Variants in PPIG observed in about 807,000 individuals in gnomAD.
The protein encoded by PPIG is peptidyl-prolyl cis-trans isomerase G.
In PPIG, 26 loss-of-function variants were observed where a neutral mutation model predicts 87.9. The ratio of observed to expected loss-of-function variants is 0.30; its 90% CI spans 0.22 to 0.41. The LOEUF (loss-of-function observed/expected upper bound fraction) is 0.41, where lower values mean the gene tolerates loss of function less well. Among genes scored for constraint, PPIG ranks in the 10% least tolerant of loss-of-function variants. The pLI, the probability that PPIG is intolerant of heterozygous loss-of-function variation, is 1.00. For missense variants in PPIG, 722 were observed against 879.4 expected (o/e 0.82, Z 2.26); for synonymous variants, 308 against 276.5 (o/e 1.11, Z -1.13).
intron 7 of PPIG, among the ~76,000 whole-genome samples, chr2:169,609,014 G>T (rs1481095647): frequency 3.3e-5 from 5 of 151,500 alleles, no homozygotes; most frequent in Non-Finnish European, 5.9e-5. Context: ...AACCCGGGAG[G>T]GGGAGCTTAC....
chr2:169,606,233 ATT>A, intron 5 of PPIG, 87 bp downstream of exon 5: 1 of 936,400 alleles, frequency 1.1e-6, no homozygotes, highest in South Asian at 1.4e-5. Context: ...TTAGTCCAAT[ATT>A]CTTGTCACTC....
At chr2:169,613,635 A>C (rs1018655558) in intron 7 of PPIG, among the ~76,000 whole-genome samples, 1 of 152,164 alleles carries the variant, frequency 6.6e-6, no homozygotes. Flanking sequence ...TAATTAAAAA[A>C]CTTGTAAACT....
intron 1 of PPIG, among the ~76,000 whole-genome samples, chr2:169,588,545 C>T (rs941464137): frequency 1.1e-4 from 17 of 152,184 alleles, no homozygotes; most frequent in African/African-American, 3.9e-4. Context: ...TATTTTTTTA[C>T]GTAGGAATTA....
At chr2:169,614,796 C>T (rs1339578964) in intron 9 of PPIG, 72 bp downstream of exon 9, 3 of 1,406,398 alleles carry the variant, frequency 2.1e-6, no homozygotes. Context: ...AAATAGTTGA[C>T]ATGAAATTCA....
intron 9 of PPIG, among the ~76,000 whole-genome samples, chr2:169,616,619 A>G (rs1685615876): frequency 6.6e-6 from 1 of 151,592 alleles, no homozygotes; most frequent in South Asian, 2.1e-4. Context: ...TTTTCTTTTC[A>G]TGTTTGTTGG....
Position 169,633,167 on chromosome 2 carries a change from C to T in PPIG, c.937C>T (p.Pro313Ser). ...ERERERECNP[P>S]NSQPASYQRR... The stretch of plus-strand genomic sequence containing the variant: ...CTGTTTGCTTCCTTCTAGTAATCCA[C>T]CTAACTCCCAGCCTGCTTCATACCA... The change falls in exon 12 of 14, where the codon CCT becomes TCT. Residue 313 changes from proline (P) to serine (S), a missense_variant. Coordinates refer to ENST00000260970, the MANE Select transcript of PPIG (RefSeq NM_004792.3). 1 of 1,606,330 alleles carries T rather than the reference C, an allele frequency of 6.2e-7. No homozygotes were observed. The highest frequency in any genetic ancestry group is 8.5e-7 in the Non-Finnish European group (1 of 1,174,246).
At chr2:169,628,731 G>C (rs142351336) in intron 9 of PPIG, among the ~76,000 whole-genome samples, 3 of 152,008 alleles carry the variant, frequency 2.0e-5, no homozygotes, top group Admixed American at 2.0e-4. Flanking sequence ...CTTGAGCCCA[G>C]GAGTTCGAGA....
At chr2:169,623,802 T>C (rs1685813895) in intron 9 of PPIG, among the ~76,000 whole-genome samples, 1 of 152,220 alleles carries the variant, frequency 6.6e-6, no homozygotes, top group African/African-American at 2.4e-5. Flanking sequence ...AGGAATACTT[T>C]TGTTCTTTAT....
chr2:169,602,702 A>G (rs1164588412), intron 1 of PPIG, among the ~76,000 whole-genome samples: 1 of 152,206 alleles, frequency 6.6e-6, no homozygotes, highest in African/African-American at 2.4e-5. Context: ...GTGCTGGTCT[A>G]GAGCCTTAAA....
At chr2:169,585,691 T>G (rs1451793235) in intron 1 of PPIG, among the ~76,000 whole-genome samples, 1 of 152,230 alleles carries the variant, frequency 6.6e-6, no homozygotes. Flanking sequence ...CCTTTCTGTG[T>G]GTAACCAACA....
rs142071492 is a variant in PPIG, at chr2:169,587,177, T to C, written c.-70+2687T>C. ...CAAATTCCTGACCTCAAGTAATCCA[T>C]CCGCCTCCGCCTCCCAAAGTGCTGG... On this transcript the variant is annotated intron_variant, in intron 1 of 13. Transcript: ENST00000260970. Among the ~76,000 whole-genome samples, 805 of 152,020 alleles carry C rather than the reference T, an allele frequency of 5.3e-3. 8 individuals are homozygous for C. Among genetic ancestry groups the C allele is most frequent in the African/African-American group, 0.018 (751 of 41,478 alleles).
rs1190630404 is a variant in PPIG at position 169,604,197 on chromosome 2, T to G, written c.72T>G (p.Val24=). Residue 24 remains valine, a synonymous_variant, in exon 4 of 14, where the codon GTT becomes GTG. Coordinates refer to ENST00000260970, the MANE Select transcript of PPIG (RefSeq NM_004792.3). The part of the protein sequence containing the change: ...IAINNQPAGR[V]VFELFSDVCP... ...TACCTTCTTTTTCAGCTGGAAGAGT[T>G]GTCTTTGAATTATTTTCTGATGTGT... 6.2e-7 allele frequency: 1 copy of G among 1,613,290 alleles called. No individual in the cohort carries two copies. The highest frequency in any genetic ancestry group is 8.5e-7 in the Non-Finnish European group (1 of 1,179,828).
At chr2:169,614,938 G>A (rs1685574936) in intron 9 of PPIG, among the ~76,000 whole-genome samples, 1 of 152,132 alleles carries the variant, frequency 6.6e-6, no homozygotes, top group Admixed American at 6.6e-5. Flanking sequence ...GTATGTATAT[G>A]TTGTGGAATG....
At position 169,633,260 on chromosome 2, in the gene PPIG, T is replaced by A. The variant is rs1343744798; in HGVS notation, c.1017+13T>A. The A allele has an allele frequency of 6.5e-7, 1 of 1,530,266 alleles. No homozygotes were observed. The highest frequency in any genetic ancestry group is 9.0e-7 in the Non-Finnish European group (1 of 1,105,816). The allele number at this position is 1,530,266 out of a possible 1,614,324, so 94.8% of individuals were successfully genotyped here. ...AAGAGGACCAAGGGTAGGTGATTCT[T>A]TCCCCAGAGATCTTCACAATATTGC... On this transcript the variant is annotated intron_variant, in intron 12 of 13. Coordinates refer to ENST00000260970, the MANE Select transcript of PPIG (RefSeq NM_004792.3).
Position 169,636,717 on chromosome 2 carries a change from T to G in PPIG, c.1459T>G (p.Ser487Ala), listed in dbSNP as rs1268405020. Residue 487 changes from serine to alanine, a missense_variant, in exon 14 of 14, where the codon TCA (serine) becomes GCA (alanine). Physicochemically the swap from Ser to Ala is moderately conservative, Grantham distance 99 (BLOSUM62 1). Coordinates refer to ENST00000260970, the MANE Select transcript of PPIG (RefSeq NM_004792.3). ...TAGAAATGAAGAAAAGAGGATGAGG[T>G]CAAGGAGTAAAGGAAGGGATCATGA... is the stretch of plus-strand genomic sequence containing the variant. The part of the protein sequence containing the change: ...HNRNEEKRMR[S>A]RSKGRDHENV... 2 of 1,576,756 alleles carry G rather than the reference T, an allele frequency of 1.3e-6. No homozygotes were observed. The highest frequency in any genetic ancestry group is 1.7e-6 in the Non-Finnish European group (2 of 1,150,672).
intron 12 of PPIG, chr2:169,633,475 G>A: frequency 1.8e-5 from 10 of 548,674 alleles, no homozygotes; most frequent in Non-Finnish European, 2.8e-5. Flanking sequence ...GTATAAAATG[G>A]GATCGAGGTC....
chr2:169,584,617 C>T (rs1684646699), intron 1 of PPIG, 127 bp downstream of exon 1: 1 of 428,232 alleles, frequency 2.3e-6, no homozygotes, highest in Non-Finnish European at 4.6e-6. Context: ...TACCGTCTTT[C>T]CCTCGAGGTA....
chr2:169,631,741 GTTT>G lies in PPIG; in HGVS notation c.762-23_762-21del, dbSNP rs768838815. 17 of 1,613,188 alleles carry G rather than the reference GTTT, an allele frequency of 1.1e-5. No individual in the cohort carries two copies. The Admixed American group carries it at 2.8e-4, about 27-fold the overall frequency. ...AGGACATAATAACCAACTGTAACTT[GTTT>G]TGTGTGTTTCTGTCTGTTAAGTGCA... On this transcript the variant is annotated intron_variant, in intron 10 of 13. Transcript: ENST00000260970.
chr2:169,636,640 G>T lies in PPIG; in HGVS notation c.1382G>T (p.Arg461Met). The T allele has an allele frequency of 6.3e-7, 1 of 1,594,234 alleles. No homozygotes were observed. The highest frequency in any genetic ancestry group is 1.2e-5 in the South Asian group (1 of 85,498). ...KVKKRAKSKS[R>M]SKSKEKSKSK... is the part of the protein sequence containing the mutation. ...AAGAAAAGGGCCAAATCTAAAAGTAGGAGTAAGAGCAAAGAGAAATCAAAG... is the reference window on the plus strand; with the variant it reads ...AAGAAAAGGGCCAAATCTAAAAGTATGAGTAAGAGCAAAGAGAAATCAAAG... Residue 461 changes from arginine to methionine, a missense_variant, in exon 14 of 14, where the codon AGG (arginine) becomes ATG (methionine). This residue lies in a region of PPIG where 476 missense variants were observed against 483.1 expected (regional missense o/e 0.99). Transcript: ENST00000260970.
Sources: allele counts gnomAD v4.1 joint callset (sites outside exome capture counted in the v4.1 genomes callset), GRCh38; gene constraint gnomAD v4.1.1; regional missense constraint gnomAD v4.1.1; transcripts MANE v1.5; gene names NCBI Gene and HGNC (gene_info 2026-07-23, HGNC 2026-07-21).